FZR1: variants seen among roughly 807,000 people sequenced by gnomAD.
FZR1 encodes the protein fizzy and cell division cycle 20 related 1.
FZR1 carries 11 observed loss-of-function variants against 63.6 expected under a neutral mutation model. That is an observed-to-expected ratio of 0.17 (90% CI 0.11 to 0.29). The LOEUF (loss-of-function observed/expected upper bound fraction) is 0.29, where lower values mean the gene tolerates loss of function less well. FZR1 is among the 10% of genes least tolerant of loss of function. FZR1 has a pLI of 1.00. For synonymous variants in FZR1, 328 were observed against 297.9 expected (o/e 1.10, Z -1.04); for missense variants, 440 against 687.5 (o/e 0.64, Z 4.03).
chr19:3,521,239 C>T (rs2121935319), intron 1 of FZR1: 1 of 152,354 alleles, frequency 6.6e-6, no homozygotes, highest in South Asian at 2.1e-4. Context: ...CATGTGGTGA[C>T]TGTGGGTTTC....
intron 1 of FZR1, among the ~76,000 whole-genome samples, chr19:3,509,289 G>C: frequency 6.6e-6 from 1 of 152,162 alleles, no homozygotes; most frequent in East Asian, 1.9e-4. Flanking sequence ...TGGGATGAGG[G>C]GCACACAAGC....
rs2083141965 is a variant in FZR1, at chr19:3,525,271, C to T, written c.70-597C>T. Among the ~76,000 whole-genome samples the T allele has an allele frequency of 2.0e-5, 3 of 152,166 alleles. No individual in the cohort carries two copies. In the South Asian group the frequency reaches 6.2e-4, roughly 32 times the overall value. ...TCCGCCATGGCCCCCATTCCTGCCA[C>T]TCCACCCCGTCCCGTGGCCCTGCCC... On this transcript the variant is annotated intron_variant, in intron 2 of 13. Coordinates refer to ENST00000441788, the MANE Select transcript of FZR1 (RefSeq NM_016263.4). This position sits in a 1 kb window ranked among gnomAD's most constrained non-coding sequence, Gnocchi z 4.2.
In FZR1 at chr19:3,526,954, C is replaced by T. The variant is rs764683888; in HGVS notation, c.388-26C>T. On this transcript the variant is annotated intron_variant, in intron 5 of 13. Transcript: ENST00000441788. This position sits in a 1 kb window ranked among gnomAD's most constrained non-coding sequence, Gnocchi z 5.4. ...GGGTCCTGCGGCCTGGGCGTGCGCT[C>T]AGCTGGCATGTCCCCCGCTCCACAG... The T allele has an allele frequency of 1.9e-6, 3 of 1,574,298 alleles. No individual in the cohort carries two copies. The highest frequency in any genetic ancestry group is 1.3e-5 in the African/African-American group (1 of 74,224).
At chr19:3,508,183 G>A (rs950633351) in intron 1 of FZR1, among the ~76,000 whole-genome samples, 1 of 151,406 alleles carries the variant, frequency 6.6e-6, no homozygotes, top group African/African-American at 2.4e-5. Flanking sequence ...TCTTCAAGGT[G>A]GGGCTACATT....
At chr19:3,506,660 C>T (rs1412768993) in intron 1 of FZR1, among the ~76,000 whole-genome samples, 186 bp downstream of exon 1, 9 of 151,792 alleles carry the variant, frequency 5.9e-5, no homozygotes, top group East Asian at 1.9e-4. Context: ...CCTCAGCATC[C>T]GCGTCTCCCG....
At position 3,534,358 on chromosome 19, in the gene FZR1, C is replaced by G. The variant is rs573192222; in HGVS notation, c.1348-63C>G. On this transcript the variant is annotated intron_variant, in intron 12 of 13. Coordinates refer to ENST00000441788, the MANE Select transcript of FZR1 (RefSeq NM_016263.4). ...ACCTTGCTCCCCTCTCCTTCAGTCCCCCAGCACTGTCCCGAGGCACCTAGA... is the reference window on the plus strand; with the variant it reads ...ACCTTGCTCCCCTCTCCTTCAGTCCGCCAGCACTGTCCCGAGGCACCTAGA... 5 of 925,356 alleles carry G rather than the reference C, an allele frequency of 5.4e-6. No homozygotes were observed. The African/African-American group carries it at 6.5e-5, about 12-fold the overall frequency. 57.3% of individuals were successfully genotyped at this position (925,356 alleles called of 1,614,324 possible). A position where few individuals can be genotyped will look rare whatever the true frequency, so the allele number is the denominator to read the frequency against.
intron 2 of FZR1, 66 bp downstream of exon 2, chr19:3,523,124 C>T: frequency 1.0e-6 from 1 of 991,150 alleles, no homozygotes; most frequent in East Asian, 2.4e-5. Flanking sequence ...CCCTGGCCAG[C>T]AGCCTCAGGT....
intron 1 of FZR1, among the ~76,000 whole-genome samples, chr19:3,507,219 C>G (rs1281118284): frequency 2.7e-5 from 4 of 149,252 alleles, no homozygotes; most frequent in Non-Finnish European, 5.9e-5. Context: ...CTCAGACGAG[C>G]TATCCGTGCA....
At chr19:3,524,803 G>A (rs1168657018) in intron 2 of FZR1, among the ~76,000 whole-genome samples, 1 of 152,128 alleles carries the variant, frequency 6.6e-6, no homozygotes, top group African/African-American at 2.4e-5. Flanking sequence ...CATCTGTCCT[G>A]GAACCATCTG....
chr19:3,532,599 C>T lies in FZR1; in HGVS notation c.1191C>T (p.Asp397=). 6.2e-7 allele frequency: 1 copy of T among 1,612,698 alleles called. No homozygotes were observed. Among genetic ancestry groups the T allele is most frequent in the Non-Finnish European group, 8.5e-7 (1 of 1,179,812 alleles). ...CAGGACAACCACTGCAGTGTATCGACACGGGCTCCCAAGTGTGCAATCTGG... is the reference window on the plus strand; with the variant it reads ...CAGGACAACCACTGCAGTGTATCGATACGGGCTCCCAAGTGTGCAATCTGG... ...TLTGQPLQCI[D]TGSQVCNLAW... is the part of the protein sequence containing the mutation. Residue 397 remains aspartate, a synonymous_variant, in exon 11 of 14, where the codon GAC becomes GAT. Coordinates refer to ENST00000441788, the MANE Select transcript of FZR1 (RefSeq NM_016263.4).
rs572841724 is a variant in FZR1 at position 3,515,159 on chromosome 19, T to C, written c.-34-7797T>C. 1.2e-3 allele frequency among the ~76,000 whole-genome samples: 177 copies of C among 152,318 alleles called. No individual in the cohort carries two copies. Among genetic ancestry groups the C allele is most frequent in the Middle Eastern group, 0.01 (3 of 294 alleles). The stretch of plus-strand genomic sequence containing the variant: ...CCCCCGGGCCAGGGACAAGAACCTC[T>C]GCAGGGCCTGGCGGAGCACGAGTCA... On this transcript the variant is annotated intron_variant, in intron 1 of 13. Transcript: ENST00000441788. The surrounding 1 kb of genome is among the most constrained non-coding windows in gnomAD (Gnocchi z 4.6).
In FZR1 at chr19:3,538,179, A is replaced by G; in HGVS notation, c.*3343A>G. On this transcript the variant is annotated 3_prime_UTR_variant, in exon 14 of 14. Coordinates refer to ENST00000441788, the MANE Select transcript of FZR1 (RefSeq NM_016263.4). ...GACCTGACAAGGGCAGGGGAAGCGG[A>G]GACCAGGGTGCAGGCTCCGCCCCCA... 1 of 158,070 alleles carries G rather than the reference A, an allele frequency of 6.3e-6. No homozygotes were observed. Among genetic ancestry groups the G allele is most frequent in the South Asian group, 1.8e-4 (1 of 5,514 alleles). 9.8% of individuals were successfully genotyped at this position (158,070 alleles called of 1,614,324 possible). A position where few individuals can be genotyped will look rare whatever the true frequency, so the allele number is the denominator to read the frequency against.
chr19:3,510,429 C>T (rs1003223474), intron 1 of FZR1, among the ~76,000 whole-genome samples: 9 of 152,216 alleles, frequency 5.9e-5, no homozygotes, highest in Non-Finnish European at 1.0e-4. Flanking sequence ...CCAGCATGCC[C>T]GGCCACACTG....
chr19:3,525,903 C>T lies in FZR1; in HGVS notation c.105C>T (p.Ser35=), dbSNP rs2121966497. 1 of 1,612,330 alleles carries T rather than the reference C, an allele frequency of 6.2e-7. No homozygotes were observed. The highest frequency in any genetic ancestry group is 8.5e-7 in the Non-Finnish European group (1 of 1,179,928). Residue 35 remains serine, a synonymous_variant, in exon 3 of 14, where the codon AGC becomes AGT. Coordinates refer to ENST00000441788, the MANE Select transcript of FZR1 (RefSeq NM_016263.4). The surrounding 1 kb of genome is among the most constrained non-coding windows in gnomAD (Gnocchi z 4.2). ...TEMRRTLTPA[S]SPVSSPSKHG... ...TGCGGCGGACCCTGACGCCTGCCAG[C>T]TCCCCAGTGTCCTCGCCCAGCAAGC...
intron 1 of FZR1, chr19:3,521,194 C>T (rs772202230): frequency 2.0e-5 from 3 of 152,256 alleles, no homozygotes; most frequent in Non-Finnish European, 2.9e-5. Context: ...GTGCCTTTCC[C>T]ATTCTCCTGG....
At chr19:3,524,580 CTG>C (rs2083134101) in intron 2 of FZR1, among the ~76,000 whole-genome samples, 1 of 152,216 alleles carries the variant, frequency 6.6e-6, no homozygotes, top group African/African-American at 2.4e-5. Flanking sequence ...CTACGCAAGC[CTG>C]TGTTTCCTGG....
chr19:3,520,171 G>C (rs894836067), intron 1 of FZR1, among the ~76,000 whole-genome samples: 6 of 152,244 alleles, frequency 3.9e-5, no homozygotes, highest in African/African-American at 1.4e-4. Flanking sequence ...TGCTGGCCCA[G>C]GAGTGGTCGG....
Position 3,515,274 on chromosome 19 carries a change from C to T in FZR1, c.-34-7682C>T, listed in dbSNP as rs1167116385. Among the ~76,000 whole-genome samples, 4 of 152,210 alleles carry T rather than the reference C, an allele frequency of 2.6e-5. No homozygotes were observed. The highest frequency in any genetic ancestry group is 2.9e-5 in the Non-Finnish European group (2 of 68,040). On this transcript the variant is annotated intron_variant, in intron 1 of 13. Transcript: ENST00000441788. The surrounding 1 kb of genome is among the most constrained non-coding windows in gnomAD (Gnocchi z 4.6). ...CTGAGCCTTTCCACACGGCCACACA[C>T]GTTGTCTGTGCTCAGGAATTACTTA...
chr19:3,533,607 G>C lies in FZR1; in HGVS notation c.1347+209G>C. 1.8e-6 allele frequency: 1 copy of C among 562,406 alleles called. No individual in the cohort carries two copies. Among genetic ancestry groups the C allele is most frequent in the South Asian group, 2.2e-5 (1 of 45,822 alleles). The allele number at this position is 562,406 out of a possible 1,614,324, so 34.8% of individuals were successfully genotyped here. ...TCTACCGAACTCCCCAGCCCTGCAG[G>C]TGCAGGCCCTGTCCTCCTGGAGGAC... On this transcript the variant is annotated intron_variant, in intron 12 of 13. Transcript: ENST00000441788. This position sits in a 1 kb window ranked among gnomAD's most constrained non-coding sequence, Gnocchi z 4.9.
Sources: gnomAD v4.1 joint callset for allele counts (sites outside exome capture counted in the v4.1 genomes callset) on GRCh38, gnomAD v4.1.1 for gene constraint, Gnocchi (gnomAD v3.1) non-coding constraint, MANE v1.5 for transcripts, NCBI Gene and HGNC (gene_info 2026-07-23, HGNC 2026-07-21) for gene names.